TRDN: variants seen among roughly 807,000 people sequenced by gnomAD.
TRDN encodes the protein triadin in skeletal muscle.
A neutral mutation model predicts 149.7 loss-of-function variants in TRDN; 161 were observed. The ratio of observed to expected loss-of-function variants is 1.08; its 90% confidence interval spans 0.95 to 1.23. The LOEUF (loss-of-function observed/expected upper bound fraction) is 1.23. Among genes scored for constraint, TRDN ranks in the 50% most tolerant of loss-of-function variants. TRDN has a pLI of 0.00. For synonymous variants in TRDN, 294 were observed against 250.5 expected, an observed-to-expected ratio of 1.17 and a Z score of -1.64; for missense variants, 896 against 823.5, an observed-to-expected ratio of 1.09 and a Z score of -1.08.
intron 12 of TRDN, among the ~76,000 whole-genome samples, chr6:123,394,179 C>T (rs927607669): frequency 5.9e-5 from 9 of 151,974 alleles, no homozygotes; most frequent in African/African-American, 2.2e-4. Flanking sequence ...TAGTGTGGCC[C>T]TGGGCAAAAT....
intron 19 of TRDN, among the ~76,000 whole-genome samples, chr6:123,366,663 G>T (rs7754271): frequency 0.37 from 56,796 of 151,652 alleles, 11,313 homozygotes; most frequent in Middle Eastern, 0.47. Context: ...GACTACAACC[G>T]CCCGCCACCA....
intron 4 of TRDN, among the ~76,000 whole-genome samples, chr6:123,546,225 G>A (rs111926390): frequency 0.021 from 3,245 of 152,184 alleles, 129 homozygotes; most frequent in African/African-American, 0.073. Context: ...GGATTTGCAG[G>A]TGTATAAACC....
intron 9 of TRDN, chr6:123,471,461 A>G (rs1777145255): frequency 6.6e-6 from 1 of 152,144 alleles, no homozygotes; most frequent in African/African-American, 2.4e-5. Context: ...ATTAACTCTC[A>G]AGGGTTTTTT....
chr6:123,348,714 T>C (rs560696049), intron 21 of TRDN, among the ~76,000 whole-genome samples: 2 of 152,224 alleles, frequency 1.3e-5, no homozygotes, highest in East Asian at 3.9e-4. Context: ...TTCAGCATAA[T>C]AGCAGGAGTG....
chr6:123,380,948 C>A (rs933290308), intron 16 of TRDN, among the ~76,000 whole-genome samples: 1 of 151,814 alleles, frequency 6.6e-6, no homozygotes, highest in Admixed American at 6.6e-5. Flanking sequence ...ATCACATGGG[C>A]ATGCCAAAAT....
intron 9 of TRDN, chr6:123,471,466 T>G (rs544469312): frequency 2.0e-5 from 3 of 151,986 alleles, no homozygotes; most frequent in Non-Finnish European, 2.9e-5. Context: ...CTCTCAAGGG[T>G]TTTTTTTCAC....
intron 38 of TRDN, 128 bp from the exon 39 acceptor site, chr6:123,224,259 C>T: frequency 1.2e-6 from 1 of 836,332 alleles, no homozygotes. Flanking sequence ...TCTACAGTCT[C>T]CATAAATAAG....
intron 4 of TRDN, among the ~76,000 whole-genome samples, chr6:123,545,779 C>T (rs751186006): frequency 6.6e-6 from 1 of 151,686 alleles, no homozygotes; most frequent in Non-Finnish European, 1.5e-5. Context: ...ATTTGATTTG[C>T]TGAATCAAGG....
chr6:123,220,627 A>G (rs1775112808), intron 40 of TRDN, among the ~76,000 whole-genome samples: 1 of 151,834 alleles, frequency 6.6e-6, no homozygotes, highest in African/African-American at 2.4e-5. Flanking sequence ...TACTTGGAAC[A>G]TAGTAGGCAT....
At chr6:123,343,519 A>ATT (rs1265411822) in intron 21 of TRDN, among the ~76,000 whole-genome samples, 1 of 151,966 alleles carries the variant, frequency 6.6e-6, no homozygotes, top group African/African-American at 2.4e-5. Context: ...TTAACTGAAT[A>ATT]ATTATTAATA....
At chr6:123,232,085 T>A (rs1431905118) in intron 38 of TRDN, among the ~76,000 whole-genome samples, 1 of 151,660 alleles carries the variant, frequency 6.6e-6, no homozygotes, top group East Asian at 2.0e-4. Context: ...GTAGATAATG[T>A]AGAAAACAAA....
chr6:123,543,770 TA>T (rs775981367), intron 4 of TRDN, among the ~76,000 whole-genome samples: 3 of 152,124 alleles, frequency 2.0e-5, no homozygotes, highest in Admixed American at 6.6e-5. Flanking sequence ...CTCCAAACAC[TA>T]TAATATTTTT....
intron 1 of TRDN, among the ~76,000 whole-genome samples, chr6:123,605,816 A>C (rs978408046): frequency 5.2e-4 from 79 of 152,070 alleles, no homozygotes; most frequent in African/African-American, 1.9e-3. Flanking sequence ...TGAAGAAATT[A>C]ATATTTGTAA....
At chr6:123,477,958 G>T (rs13218233) in intron 9 of TRDN, among the ~76,000 whole-genome samples, 25,336 of 151,514 alleles carry the variant, frequency 0.17, 2,312 homozygotes, top group South Asian at 0.3. Context: ...TACCTAACGC[G>T]AGATGACGAG....
intron 10 of TRDN, among the ~76,000 whole-genome samples, chr6:123,454,848 C>T (rs1466254308): frequency 6.6e-6 from 1 of 152,176 alleles, no homozygotes; most frequent in Non-Finnish European, 1.5e-5. Flanking sequence ...AACCATCCCT[C>T]CTCTCACCCC....
intron 1 of TRDN, among the ~76,000 whole-genome samples, chr6:123,584,664 G>T (rs958398445): frequency 1.3e-5 from 2 of 152,128 alleles, no homozygotes. Context: ...GAAGCCTTGC[G>T]GCAGTACAGC....
rs796296860 is a variant in TRDN, at chr6:123,614,299, AC to A, written c.22+22454del. Among the ~76,000 whole-genome samples, 552 of 129,138 alleles carry A rather than the reference AC, an allele frequency of 4.3e-3. 21 individuals carry two copies. The highest frequency in any genetic ancestry group is 9.9e-3 in the Admixed American group (132 of 13,276). The allele number at this position is 129,138 out of a possible 152,430, so 84.7% of individuals were successfully genotyped here. A position where few individuals can be genotyped will look rare whatever the true frequency, so the allele number is the denominator to read the frequency against. ...GGAAAGTGCTTCATTAAAAAAAAAAACAAAAAAAAAAAAAACAAAAAAAACC... is the reference window on the plus strand; with the variant it reads ...GGAAAGTGCTTCATTAAAAAAAAAAAAAAAAAAAAAAAAACAAAAAAAACC... On this transcript the variant is annotated intron_variant, in intron 1 of 40. Transcript: ENST00000334268.
At chr6:123,398,498 C>G (rs1173399374) in intron 12 of TRDN, among the ~76,000 whole-genome samples, 1 of 152,170 alleles carries the variant, frequency 6.6e-6, no homozygotes, top group African/African-American at 2.4e-5. Context: ...GACAAATTAT[C>G]TTGCAGTCCA....
intron 1 of TRDN, among the ~76,000 whole-genome samples, chr6:123,617,897 C>A (rs1385109734): frequency 6.6e-6 from 1 of 151,968 alleles, no homozygotes; most frequent in Non-Finnish European, 1.5e-5. Context: ...GCCAACACAC[C>A]CGGCTAATTT....
Sources: gnomAD v4.1 joint callset for allele counts (sites outside exome capture counted in the v4.1 genomes callset) on GRCh38, gnomAD v4.1.1 for gene constraint, MANE v1.5 for transcripts, NCBI Gene and HGNC (gene_info 2026-07-23, HGNC 2026-07-21) for gene names.